Variants in IL2RA observed in about 807,000 individuals in gnomAD.
IL2RA encodes the protein interleukin 2 receptor subunit alpha.
IL2RA carries 24 observed loss-of-function variants against 37.8 expected under a neutral mutation model. The ratio of observed to expected loss-of-function variants is 0.63; its 90% CI spans 0.46 to 0.89. The LOEUF (loss-of-function observed/expected upper bound fraction) is 0.89. Among genes scored for constraint, IL2RA ranks in the 40% least tolerant of loss-of-function variants. The pLI is 0.00. For synonymous variants in IL2RA, 125 were observed against 114.6 expected, an observed-to-expected ratio of 1.09 and a Z score of -0.58; for missense variants, 319 against 348.6, an observed-to-expected ratio of 0.92 and a Z score of 0.68.
Position 6,015,706 on chromosome 10 carries a change from T to C in IL2RA, c.794+2347A>G, listed in dbSNP as rs1839264391. ...TAGCATATCCATCATCTCAAACATT[T>C]ATCGTTTCTTTATGTTCCTACAGAT... On this transcript the variant is annotated intron_variant, in intron 7 of 7. Coordinates refer to ENST00000379959, the MANE Select transcript of IL2RA (RefSeq NM_000417.3). This position sits in a 1 kb window ranked among gnomAD's most constrained non-coding sequence, Gnocchi z 4.9. 6.6e-6 allele frequency among the ~76,000 whole-genome samples: 1 copy of C among 152,218 alleles called. No homozygotes were observed.
At chr10:6,039,949 G>C (rs968610018) in intron 1 of IL2RA, among the ~76,000 whole-genome samples, 60 of 152,236 alleles carry the variant, frequency 3.9e-4, no homozygotes, top group African/African-American at 1.4e-3. Flanking sequence ...AGGTGGGTGG[G>C]AGTTCAACTG....
Position 6,054,280 on chromosome 10 carries a change from C to T in IL2RA, c.64+7808G>A, listed in dbSNP as rs766009104. Among the ~76,000 whole-genome samples the T allele has an allele frequency of 3.3e-5, 5 of 152,146 alleles. No homozygotes were observed. Among genetic ancestry groups the T allele is most frequent in the Admixed American group, 6.5e-5 (1 of 15,276 alleles). ...TGGGACTCCAGCCCTGTGGTGTGCA[C>T]GTGGCTCGGGCTGGGTCAGGAAAAA... On this transcript the variant is annotated intron_variant, in intron 1 of 7. Coordinates refer to ENST00000379959, the MANE Select transcript of IL2RA (RefSeq NM_000417.3). The surrounding 1 kb of genome is among the most constrained non-coding windows in gnomAD (Gnocchi z 4.5).
Position 6,020,744 on chromosome 10 carries a change from G to A in IL2RA, c.583+734C>T, listed in dbSNP as rs1413137277. Among the ~76,000 whole-genome samples, 1 of 152,096 alleles carries A rather than the reference G, an allele frequency of 6.6e-6. No individual in the cohort carries two copies. The highest frequency in any genetic ancestry group is 2.4e-5 in the African/African-American group (1 of 41,406). ...GACGGGGTTTCACCATGTTGGCCAG[G>A]CTGGTCTCGAACTCCTGACCTAAAG... On this transcript the variant is annotated intron_variant, in intron 4 of 7. Coordinates refer to ENST00000379959, the MANE Select transcript of IL2RA (RefSeq NM_000417.3). The surrounding 1 kb of genome is among the most constrained non-coding windows in gnomAD (Gnocchi z 5.6).
At chr10:6,017,105 G>C (rs1839291412) in intron 7 of IL2RA, 1 of 163,330 alleles carries the variant, frequency 6.1e-6, no homozygotes, top group Non-Finnish European at 1.4e-5. Flanking sequence ...ACAGCCCTTT[G>C]GACTGCCTTC....
At position 6,018,269 on chromosome 10, in the gene IL2RA, C is replaced by A. The variant is rs1483153408; in HGVS notation, c.728-150G>T. 3 of 691,440 alleles carry A rather than the reference C, an allele frequency of 4.3e-6. No individual in the cohort carries two copies. The highest frequency in any genetic ancestry group is 8.0e-6 in the Non-Finnish European group (3 of 375,586). 42.8% of individuals were successfully genotyped at this position (691,440 alleles called of 1,614,324 possible). A position where few individuals can be genotyped will look rare whatever the true frequency, so the allele number is the denominator to read the frequency against. On this transcript the variant is annotated intron_variant, in intron 6 of 7. Coordinates refer to ENST00000379959, the MANE Select transcript of IL2RA (RefSeq NM_000417.3). This position sits in a 1 kb window ranked among gnomAD's most constrained non-coding sequence, Gnocchi z 5.1. ...CCCTGTCTCAGGAAGTAGGTCCCTCCCCATGGGATTTCCTAGGAGTCTTGA... is the reference window on the plus strand; with the variant it reads ...CCCTGTCTCAGGAAGTAGGTCCCTCACCATGGGATTTCCTAGGAGTCTTGA...
chr10:6,049,375 C>T (rs1402622825), intron 1 of IL2RA, among the ~76,000 whole-genome samples: 1 of 152,180 alleles, frequency 6.6e-6, no homozygotes, highest in African/African-American at 2.4e-5. Flanking sequence ...AGTCTACCAA[C>T]AAGAAATTTA....
intron 1 of IL2RA, among the ~76,000 whole-genome samples, chr10:6,053,323 G>A (rs1244780862): frequency 1.3e-5 from 2 of 152,170 alleles, no homozygotes; most frequent in Non-Finnish European, 2.9e-5. Context: ...ATAATCATAT[G>A]ACCTACTTTA....
chr10:6,047,507 A>G lies in IL2RA; in HGVS notation c.64+14581T>C, dbSNP rs1258874280. On this transcript the variant is annotated intron_variant, in intron 1 of 7. Transcript: ENST00000379959. The surrounding 1 kb of genome is among the most constrained non-coding windows in gnomAD (Gnocchi z 5.0). ...GCAATCACGTCAGCTGAGACGCAAC[A>G]CACTGCATGCCGAACACACAGGAGA... Among the ~76,000 whole-genome samples the G allele has an allele frequency of 6.6e-6, 1 of 152,174 alleles. No individual in the cohort carries two copies. Among genetic ancestry groups the G allele is most frequent in the Non-Finnish European group, 1.5e-5 (1 of 68,032 alleles).
At chr10:6,019,204 CAACA>C (rs1382928368) in intron 6 of IL2RA, among the ~76,000 whole-genome samples, 1 of 152,146 alleles carries the variant, frequency 6.6e-6, no homozygotes, top group Non-Finnish European at 1.5e-5. Context: ...ACTAACCTAC[CAACA>C]TACAAACCAA....
rs547667284 is a variant in IL2RA at position 6,056,563 on chromosome 10, G to T, written c.64+5525C>A. On this transcript the variant is annotated intron_variant, in intron 1 of 7. Transcript: ENST00000379959. This position sits in a 1 kb window ranked among gnomAD's most constrained non-coding sequence, Gnocchi z 5.0. ...GGCTCGGAGTTCAAGACCAGCCTAC[G>T]CAACATAGCAAAAACCCCCTCTCTA... Among the ~76,000 whole-genome samples the T allele has an allele frequency of 2.0e-5, 3 of 152,152 alleles. No individual in the cohort carries two copies. The East Asian group carries it at 5.8e-4, about 29-fold the overall frequency.
At chr10:6,023,265 C>T (rs1839418142) in intron 3 of IL2RA, among the ~76,000 whole-genome samples, 1 of 152,210 alleles carries the variant, frequency 6.6e-6, no homozygotes, top group Non-Finnish European at 1.5e-5. Context: ...GCTCTGAAGT[C>T]TCCTAAGGCT....
intron 3 of IL2RA, among the ~76,000 whole-genome samples, chr10:6,023,653 A>G (rs80152456): frequency 0.022 from 3,294 of 152,248 alleles, 182 homozygotes; most frequent in East Asian, 0.18. Context: ...TTGACACCAT[A>G]ACTGAATCCC....
intron 3 of IL2RA, among the ~76,000 whole-genome samples, chr10:6,023,452 T>G (rs1458419202): frequency 6.6e-6 from 1 of 152,118 alleles, no homozygotes; most frequent in Non-Finnish European, 1.5e-5. Flanking sequence ...TCTCATGCCT[T>G]GGCCTCCTGA....
At position 6,025,847 on chromosome 10, in the gene IL2RA, T is replaced by A. The variant is rs1206012747; in HGVS notation, c.243A>T (p.Gln81His). The change falls in exon 2 of 8, where the codon CAA becomes CAT. Residue 81 changes from glutamine to histidine, a missense_variant. Physicochemically the swap from Gln to His is conservative, Grantham distance 24. Transcript: ENST00000379959. The surrounding 1 kb of genome is among the most constrained non-coding windows in gnomAD (Gnocchi z 4.4). ...AGGGACACTTACCAGAGCTTGTGCA[T>A]TGACATTGGTTGTCCCAGGACGAGT... ...SSHSSWDNQC[Q>H]CTSSATRNTT... 1.2e-6 allele frequency: 2 copies of A among 1,614,216 alleles called. No individual in the cohort carries two copies. The highest frequency in any genetic ancestry group is 3.3e-5 in the Admixed American group (2 of 60,034).
rs1419151498 is a variant in IL2RA at position 6,047,979 on chromosome 10, A to G, written c.64+14109T>C. Among the ~76,000 whole-genome samples, 6 of 152,242 alleles carry G rather than the reference A, an allele frequency of 3.9e-5. No individual in the cohort carries two copies. Among genetic ancestry groups the G allele is most frequent in the African/African-American group, 1.4e-4 (6 of 41,466 alleles). Reference sequence around the variant, plus strand: ...CAGAGAGGCCCAGTGACTTGCCCAGAGACACACAGCCCCTCAGTGGTGGAG... The same window carrying G: ...CAGAGAGGCCCAGTGACTTGCCCAGGGACACACAGCCCCTCAGTGGTGGAG... On this transcript the variant is annotated intron_variant, in intron 1 of 7. Coordinates refer to ENST00000379959, the MANE Select transcript of IL2RA (RefSeq NM_000417.3). This position sits in a 1 kb window ranked among gnomAD's most constrained non-coding sequence, Gnocchi z 5.0.
intron 7 of IL2RA, among the ~76,000 whole-genome samples, chr10:6,016,304 C>T (rs1431983768): frequency 1.3e-5 from 2 of 152,158 alleles, no homozygotes; most frequent in African/African-American, 2.4e-5. Flanking sequence ...GGGGGCCCCT[C>T]GACCTCAGAC....
At chr10:6,013,679 G>A (rs1252885531) in intron 7 of IL2RA, among the ~76,000 whole-genome samples, 2 of 152,212 alleles carry the variant, frequency 1.3e-5, no homozygotes, top group East Asian at 1.9e-4. Context: ...ACCGTCAAAC[G>A]GTATTTCCAC....
chr10:6,023,559 C>A (rs1839424012), intron 3 of IL2RA, among the ~76,000 whole-genome samples: 1 of 152,234 alleles, frequency 6.6e-6, no homozygotes, highest in Non-Finnish European at 1.5e-5. Context: ...TGGTCTCGAA[C>A]TCCTGACCTC....
chr10:6,061,101 A>C (rs1266005418), intron 1 of IL2RA, among the ~76,000 whole-genome samples: 1 of 152,168 alleles, frequency 6.6e-6, no homozygotes, highest in African/African-American at 2.4e-5. Flanking sequence ...TTTAAAAAAA[A>C]ATATTGGCCA....
Sources: allele counts gnomAD v4.1 joint callset (sites outside exome capture counted in the v4.1 genomes callset), GRCh38; gene constraint gnomAD v4.1.1; non-coding constraint Gnocchi (gnomAD v3.1); transcripts MANE v1.5; gene names NCBI Gene and HGNC (gene_info 2026-07-23, HGNC 2026-07-21).